Variants in RARB observed in about 807,000 individuals in gnomAD.
RARB encodes HBV-activated protein.
RARB carries 17 observed loss-of-function variants against 51.9 expected under a neutral mutation model. That is an observed-to-expected ratio of 0.33 (90% CI 0.22 to 0.49). The LOEUF is 0.49. RARB is among the 20% of genes least tolerant of loss of function. The pLI is 0.99. For synonymous variants in RARB, 215 were observed against 195.4 expected, an observed-to-expected ratio of 1.10 and a Z score of -0.84; for missense variants, 369 against 550.8, an observed-to-expected ratio of 0.67 and a Z score of 3.30.
At chr3:25,429,671 A>C (rs998548738) in intron 1 of RARB, among the ~76,000 whole-genome samples, 3 of 152,204 alleles carry the variant, frequency 2.0e-5, no homozygotes, top group Non-Finnish European at 4.4e-5. Context: ...AATTTAAAAA[A>C]AAAATATTGA....
chr3:25,072,712 A>AT (rs1280383509), intron 3 of RARB, among the ~76,000 whole-genome samples: 2 of 148,154 alleles, frequency 1.3e-5, no homozygotes, highest in Non-Finnish European at 3.0e-5. Flanking sequence ...TTAATTTTTT[A>AT]TTTATTTTTT....
intron 2 of RARB, among the ~76,000 whole-genome samples, chr3:25,494,497 T>C (rs1452379542): frequency 1.3e-5 from 2 of 152,234 alleles, no homozygotes; most frequent in Non-Finnish European, 2.9e-5. Context: ...TTTATGTGTC[T>C]GCAATATGTG....
rs1387023242 is a variant in RARB, at chr3:24,889,017, G to C, written c.-380+30265G>C. 2.0e-5 allele frequency among the ~76,000 whole-genome samples: 3 copies of C among 152,136 alleles called. No homozygotes were observed. The East Asian group carries it at 5.8e-4, about 29-fold the overall frequency. On this transcript the variant is annotated intron_variant, in intron 2 of 11. Coordinates refer to the RARB transcript ENST00000383772. ...AATTTCCTTCTTTAATTGGATAATA[G>C]AATGATTGGGAATTTTGCAAATAGA...
chr3:25,440,439 C>A (rs1239391048), intron 1 of RARB, among the ~76,000 whole-genome samples: 1 of 149,546 alleles, frequency 6.7e-6, no homozygotes, highest in African/African-American at 2.5e-5. Context: ...AGAGGGAGAT[C>A]CTGTCTAAAA....
chr3:25,320,016 A>T (rs1436821282), intron 5 of RARB, among the ~76,000 whole-genome samples: 1 of 146,112 alleles, frequency 6.8e-6, no homozygotes, highest in East Asian at 2.2e-4. Context: ...AACTAAAAAA[A>T]ATAAGGATCA....
intron 5 of RARB, among the ~76,000 whole-genome samples, chr3:25,384,661 T>C (rs914191322): frequency 5.3e-5 from 8 of 152,182 alleles, no homozygotes; most frequent in African/African-American, 1.9e-4. Context: ...AACATTCTTT[T>C]CTCTGCTACA....
chr3:25,520,037 A>G (rs1053796501), intron 3 of RARB, among the ~76,000 whole-genome samples: 4 of 152,206 alleles, frequency 2.6e-5, no homozygotes, highest in South Asian at 4.1e-4. Flanking sequence ...GTTTTTATCA[A>G]TAAAATTTTA....
At chr3:25,525,953 C>T (rs918907928) in intron 3 of RARB, among the ~76,000 whole-genome samples, 4 of 152,118 alleles carry the variant, frequency 2.6e-5, no homozygotes, top group African/African-American at 9.7e-5. Flanking sequence ...GAGTGGTAAA[C>T]AAAACAGACA....
chr3:25,493,528 G>A (rs1696855340), intron 2 of RARB, among the ~76,000 whole-genome samples: 2 of 152,190 alleles, frequency 1.3e-5, no homozygotes, highest in Non-Finnish European at 2.9e-5. Context: ...CTTGCTGCAT[G>A]GCTGAATGAC....
At chr3:25,326,992 C>T (rs957220323) in intron 5 of RARB, among the ~76,000 whole-genome samples, 1 of 152,092 alleles carries the variant, frequency 6.6e-6, no homozygotes, top group Admixed American at 6.6e-5. Flanking sequence ...CTCCCCCCTC[C>T]TCCCACCCCA....
intron 2 of RARB, among the ~76,000 whole-genome samples, chr3:24,960,864 A>G (rs1696125666): frequency 6.6e-6 from 1 of 152,122 alleles, no homozygotes; most frequent in Non-Finnish European, 1.5e-5. Context: ...ATCTCTTGAC[A>G]TCCACATAAA....
chr3:25,272,820 C>T (rs1199608486), intron 5 of RARB, among the ~76,000 whole-genome samples: 1 of 152,176 alleles, frequency 6.6e-6, no homozygotes, highest in Non-Finnish European at 1.5e-5. Flanking sequence ...ATTTCCAGCC[C>T]TCTTGCTGAC....
rs1696914514 is a variant in RARB at position 24,991,645 on chromosome 3, ATTACGGG to A, written c.-379-68477_-379-68471del. Among the ~76,000 whole-genome samples, 3 of 152,128 alleles carry A rather than the reference ATTACGGG, an allele frequency of 2.0e-5. No homozygotes were observed. In the South Asian group the frequency reaches 6.2e-4, roughly 32 times the overall value. Reference sequence around the variant, plus strand: ...TATATTTCACAACAAGCACAGTTGTATTACGGGTTTAGGAAATTGCCTACCACTAGTT... The same window carrying A: ...TATATTTCACAACAAGCACAGTTGTATTTAGGAAATTGCCTACCACTAGTT... On this transcript the variant is annotated intron_variant, in intron 2 of 11. Transcript: ENST00000383772.
At chr3:25,013,870 C>T (rs1353145200) in intron 2 of RARB, among the ~76,000 whole-genome samples, 1 of 152,012 alleles carries the variant, frequency 6.6e-6, no homozygotes, top group Admixed American at 6.6e-5. Flanking sequence ...AGGAACACAA[C>T]TAAAACTAGC....
intron 2 of RARB, among the ~76,000 whole-genome samples, chr3:24,980,531 G>T (rs558431081): frequency 1.3e-5 from 2 of 151,920 alleles, no homozygotes; most frequent in African/African-American, 4.8e-5. Flanking sequence ...GATCAAATTC[G>T]ATCCTTTCTT....
At chr3:24,868,197 C>A (rs1164416337) in intron 2 of RARB, among the ~76,000 whole-genome samples, 1 of 152,042 alleles carries the variant, frequency 6.6e-6, no homozygotes, top group Non-Finnish European at 1.5e-5. Flanking sequence ...TGGGTGTTAG[C>A]CTGTTTTAAA....
chr3:25,170,861 A>G (rs321544), intron 4 of RARB, among the ~76,000 whole-genome samples: 145,906 of 152,212 alleles, frequency 0.96, 69,941 homozygotes, highest in South Asian at 0.97. Flanking sequence ...TAAATATTAA[A>G]ATTTGTAAAG....
At chr3:25,247,074 A>C (rs767335690) in intron 5 of RARB, among the ~76,000 whole-genome samples, 1 of 152,222 alleles carries the variant, frequency 6.6e-6, no homozygotes, top group Non-Finnish European at 1.5e-5. Flanking sequence ...GTGGAGCTGC[A>C]GTGGGCTCCG....
rs142658742 is a variant in RARB at position 25,494,250 on chromosome 3, T to TACAC, written c.307-6930_307-6929insACAC. Among the ~76,000 whole-genome samples the TACAC allele has an allele frequency of 3.9e-3, 538 of 137,170 alleles. 11 individuals are homozygous for TACAC. Among genetic ancestry groups the TACAC allele is most frequent in the African/African-American group, 0.013 (512 of 38,748 alleles). The allele number at this position is 137,170 out of a possible 152,430, so 90.0% of individuals were successfully genotyped here. On this transcript the variant is annotated intron_variant, in intron 2 of 7. Transcript: ENST00000330688. ...TTAGCCCCCTTTTCCAGCTGTATCT[T>TACAC]ACGCACACACACACACACACACACA...
Sources: allele counts gnomAD v4.1 joint callset (sites outside exome capture counted in the v4.1 genomes callset), GRCh38; gene constraint gnomAD v4.1.1; transcripts MANE v1.5; gene names NCBI Gene and HGNC (gene_info 2026-07-23, HGNC 2026-07-21).